MSRA: variants seen among roughly 807,000 people sequenced by gnomAD.
MSRA encodes the protein mitochondrial peptide methionine sulfoxide reductase.
In MSRA, 54 loss-of-function variants were observed where a neutral mutation model predicts 31.3. That is an observed-to-expected ratio of 1.73 (90% confidence interval 1.39 to 2.17). MSRA has a LOEUF of 2.17. Among genes scored for constraint, MSRA ranks in the 30% most tolerant of loss-of-function variants. The probability of loss-of-function intolerance (pLI) is 0.00; values close to 1 mark genes in which losing one functional copy is unlikely to be tolerated. For missense variants in MSRA, 507 were observed against 300.9 expected (o/e 1.69, Z -5.07); for synonymous variants, 169 against 116.5 (o/e 1.45, Z -2.90).
At chr8:10,359,085 C>T (rs1394840416) in intron 5 of MSRA, among the ~76,000 whole-genome samples, 1 of 152,174 alleles carries the variant, frequency 6.6e-6, no homozygotes, top group Non-Finnish European at 1.5e-5. Context: ...TAGTGTGAAG[C>T]ATGTGATGTG....
chr8:10,095,436 T>A (rs115962550), intron 1 of MSRA: 17 of 982,518 alleles, frequency 1.7e-5, no homozygotes, highest in Middle Eastern at 5.2e-4. Flanking sequence ...TTTCCTGTTT[T>A]CAAATGTATT....
Position 10,152,617 on chromosome 8 carries a change from C to A in MSRA, c.143-55216C>A, listed in dbSNP as rs535978852. On this transcript the variant is annotated intron_variant, in intron 1 of 5. Transcript: ENST00000317173. Reference sequence around the variant, plus strand: ...TCATTGTTTTAGATTCTGTGGATCTCTTGCTCAGTACAGAAGTACTTTTTT... The same window carrying A: ...TCATTGTTTTAGATTCTGTGGATCTATTGCTCAGTACAGAAGTACTTTTTT... Among the ~76,000 whole-genome samples the A allele has an allele frequency of 1.1e-4, 17 of 152,290 alleles. No individual in the cohort carries two copies. The South Asian group carries it at 3.5e-3, about 32-fold the overall frequency.
intron 1 of MSRA, among the ~76,000 whole-genome samples, chr8:10,124,820 G>A (rs1801387750): frequency 1.3e-5 from 2 of 151,152 alleles, no homozygotes; most frequent in South Asian, 4.2e-4. Flanking sequence ...ATTAAATTGG[G>A]TAATATGAAT....
chr8:10,366,059 G>A (rs1805147213), intron 5 of MSRA, among the ~76,000 whole-genome samples: 1 of 152,218 alleles, frequency 6.6e-6, no homozygotes, highest in Non-Finnish European at 1.5e-5. Flanking sequence ...CCATCTGCAG[G>A]ACTGGGGACA....
chr8:10,274,167 G>T (rs35622569), intron 3 of MSRA, among the ~76,000 whole-genome samples: 2 of 152,224 alleles, frequency 1.3e-5, no homozygotes, highest in Admixed American at 6.5e-5. Context: ...TTGGAGCAGA[G>T]TTAATAACTG....
intron 1 of MSRA, among the ~76,000 whole-genome samples, chr8:10,063,512 C>T (rs1369452783): frequency 6.6e-6 from 1 of 152,144 alleles, no homozygotes; most frequent in Non-Finnish European, 1.5e-5. Context: ...TTGCTATGGT[C>T]TGAATGCCTA....
At chr8:10,157,894 CTATT>C (rs1804291568) in intron 1 of MSRA, among the ~76,000 whole-genome samples, 1 of 152,118 alleles carries the variant, frequency 6.6e-6, no homozygotes, top group South Asian at 2.1e-4. Flanking sequence ...TACAATTCAT[CTATT>C]TAATGTGTAC....
At chr8:10,059,742 G>A (rs552434936) in intron 1 of MSRA, among the ~76,000 whole-genome samples, 4 of 152,128 alleles carry the variant, frequency 2.6e-5, no homozygotes, top group African/African-American at 7.2e-5. Flanking sequence ...TCATATCATA[G>A]GTGAAGGACC....
chr8:10,181,932 TG>T (rs1214763062), intron 1 of MSRA, among the ~76,000 whole-genome samples: 2 of 152,032 alleles, frequency 1.3e-5, no homozygotes, highest in Non-Finnish European at 2.9e-5. Context: ...TTTGGGTGAG[TG>T]GGGGTGAGCA....
chr8:10,065,615 C>T (rs1286419818), intron 1 of MSRA, among the ~76,000 whole-genome samples: 3 of 152,120 alleles, frequency 2.0e-5, no homozygotes, highest in African/African-American at 4.8e-5. Flanking sequence ...CTTAACGTAA[C>T]GATGGAACTC....
intron 2 of MSRA, among the ~76,000 whole-genome samples, chr8:10,211,694 T>A (rs1809511818): frequency 1.3e-5 from 2 of 152,126 alleles, no homozygotes; most frequent in African/African-American, 4.8e-5. Flanking sequence ...TAAAGAAACA[T>A]GGCCGAGGCT....
chr8:10,426,707 A>G (rs1414061817), intron 5 of MSRA, among the ~76,000 whole-genome samples: 1 of 152,222 alleles, frequency 6.6e-6, no homozygotes, highest in East Asian at 1.9e-4. Context: ...TATCTGATAC[A>G]CACTTTTAAA....
intron 3 of MSRA, among the ~76,000 whole-genome samples, chr8:10,255,898 G>C (rs1275749416): frequency 2.6e-5 from 4 of 152,156 alleles, no homozygotes; most frequent in African/African-American, 9.6e-5. Flanking sequence ...AGAATGTAAA[G>C]AGAATTCCCA....
intron 1 of MSRA, among the ~76,000 whole-genome samples, chr8:10,172,416 A>G (rs1349888496): frequency 2.0e-5 from 3 of 152,102 alleles, no homozygotes; most frequent in Non-Finnish European, 4.4e-5. Flanking sequence ...CTTGAGCGGA[A>G]GAGTCCAGCT....
At chr8:10,298,656 A>G (rs1800674232) in intron 3 of MSRA, among the ~76,000 whole-genome samples, 1 of 152,234 alleles carries the variant, frequency 6.6e-6, no homozygotes, top group African/African-American at 2.4e-5. Context: ...AATGGCATCA[A>G]GTAGATAAGT....
At position 10,343,840 on chromosome 8, in the gene MSRA, T is replaced by A. The variant is rs1228157238; in HGVS notation, c.543+23851T>A. Among the ~76,000 whole-genome samples, 6 of 152,234 alleles carry A rather than the reference T, an allele frequency of 3.9e-5. No homozygotes were observed. The East Asian group carries it at 1.2e-3, about 29-fold the overall frequency. ...AATCTCTTATAAATAACTAGTTTTA[T>A]CTACCCAAACAAAGAAAATAATCAG... On this transcript the variant is annotated intron_variant, in intron 5 of 5. Transcript: ENST00000317173.
At chr8:10,193,365 C>G (rs1331073602) in intron 1 of MSRA, among the ~76,000 whole-genome samples, 1 of 152,204 alleles carries the variant, frequency 6.6e-6, no homozygotes, top group Non-Finnish European at 1.5e-5. Flanking sequence ...GTGAGGCCGC[C>G]TCCTCTGTCT....
At chr8:10,281,688 G>A (rs28587749) in intron 3 of MSRA, among the ~76,000 whole-genome samples, 9,730 of 152,212 alleles carry the variant, frequency 0.064, 805 homozygotes, top group African/African-American at 0.19. Context: ...CACAATGACC[G>A]GGTTCTATGG....
intron 2 of MSRA, among the ~76,000 whole-genome samples, chr8:10,228,870 C>T (rs555821753): frequency 1.3e-5 from 2 of 152,288 alleles, no homozygotes; most frequent in African/African-American, 4.8e-5. Context: ...CTCATTTATT[C>T]CTTTCCCTTA....
Sources: allele counts gnomAD v4.1 joint callset (sites outside exome capture counted in the v4.1 genomes callset), GRCh38; gene constraint gnomAD v4.1.1; transcripts MANE v1.5; gene names NCBI Gene and HGNC (gene_info 2026-07-23, HGNC 2026-07-21).